MTUS1: variants seen among roughly 807,000 people sequenced by gnomAD.
MTUS1 encodes the protein microtubule associated scaffold protein 1.
A neutral mutation model predicts 120.8 loss-of-function variants in MTUS1; 109 were observed. The observed-to-expected ratio is 0.90, with a 90% CI of 0.77 to 1.06. The LOEUF is 1.06. Ranked by LOEUF, MTUS1 falls within the 50% of genes least tolerant of loss-of-function variation. The pLI, the probability that MTUS1 is intolerant of heterozygous loss-of-function variation, is 0.00. For missense variants in MTUS1, 2,210 were observed against 1,486.3 expected, an observed-to-expected ratio of 1.49 and a Z score of -8.01; for synonymous variants, 737 against 550.5, an observed-to-expected ratio of 1.34 and a Z score of -4.74.
intron 1 of MTUS1, among the ~76,000 whole-genome samples, chr8:17,776,143 GA>G (rs1291440264): frequency 8.1e-5 from 12 of 148,844 alleles, no homozygotes; most frequent in East Asian, 3.9e-4. Context: ...ATAGTCGGGA[GA>G]AAAAAAAACA....
At chr8:17,704,959 A>T (rs142212500) in intron 6 of MTUS1, among the ~76,000 whole-genome samples, 83 of 152,190 alleles carry the variant, frequency 5.5e-4, no homozygotes, top group African/African-American at 1.8e-3. Flanking sequence ...TTCTTTGCTT[A>T]TAAATACTGT....
chr8:17,788,157 T>C (rs2051464206), intron 1 of MTUS1, among the ~76,000 whole-genome samples: 1 of 152,142 alleles, frequency 6.6e-6, no homozygotes, highest in Non-Finnish European at 1.5e-5. Flanking sequence ...ATGGACACAT[T>C]CTGTATCTTG....
chr8:17,721,732 G>T (rs1051641637), intron 4 of MTUS1: 2 of 1,580,808 alleles, frequency 1.3e-6, no homozygotes, highest in Non-Finnish European at 1.7e-6. Flanking sequence ...AGTAAACGTG[G>T]CTAACAAAGG....
At chr8:17,787,961 A>C (rs569076299) in intron 1 of MTUS1, among the ~76,000 whole-genome samples, 15 of 152,286 alleles carry the variant, frequency 9.8e-5, no homozygotes, top group Non-Finnish European at 1.8e-4. Flanking sequence ...CTGCACTAAA[A>C]ATACAAAAAA....
intron 5 of MTUS1, 112 bp from the exon 6 acceptor site, chr8:17,713,364 G>T: frequency 2.9e-6 from 2 of 678,954 alleles, no homozygotes; most frequent in Non-Finnish European, 5.0e-6. Flanking sequence ...CTACATTTCA[G>T]GTTCCCGGTG....
Position 17,727,258 on chromosome 8 carries a change from C to T in MTUS1, c.2288-3425G>A, listed in dbSNP as rs77629870. On this transcript the variant is annotated intron_variant, in intron 3 of 14. Transcript: ENST00000693296. ...CCTAACAGTGTGTGACTATTACTATCCCAGTTAATAGATGAGAAGACTACT... is the reference window on the plus strand; with the variant it reads ...CCTAACAGTGTGTGACTATTACTATTCCAGTTAATAGATGAGAAGACTACT... Among the ~76,000 whole-genome samples the T allele has an allele frequency of 5.7e-3, 864 of 152,268 alleles. 4 individuals carry two copies. The highest frequency in any genetic ancestry group is 8.8e-3 in the Non-Finnish European group (597 of 68,020).
chr8:17,795,737 T>A (rs2052171412), intron 1 of MTUS1, among the ~76,000 whole-genome samples: 1 of 152,032 alleles, frequency 6.6e-6, no homozygotes, highest in Admixed American at 6.6e-5. Flanking sequence ...CCTCCCGGGT[T>A]CAAGTGATTC....
At chr8:17,692,676 G>A (rs781749475) in intron 6 of MTUS1, among the ~76,000 whole-genome samples, 1 of 152,182 alleles carries the variant, frequency 6.6e-6, no homozygotes, top group Non-Finnish European at 1.5e-5. Flanking sequence ...AATTGAGGGT[G>A]CAGGGTAGGA....
chr8:17,697,275 T>C, intron 6 of MTUS1: 2 of 1,613,890 alleles, frequency 1.2e-6, no homozygotes, highest in South Asian at 1.1e-5. Context: ...AAAACAACAG[T>C]GCTTCTCCTA....
chr8:17,746,414 GA>G (rs1266097478), intron 2 of MTUS1, among the ~76,000 whole-genome samples: 3 of 152,132 alleles, frequency 2.0e-5, no homozygotes, highest in Non-Finnish European at 4.4e-5. Flanking sequence ...AATTTATAAA[GA>G]AAAAGCAGTT....
chr8:17,709,247 T>C (rs1188354025), intron 6 of MTUS1, among the ~76,000 whole-genome samples: 1 of 152,132 alleles, frequency 6.6e-6, no homozygotes, highest in Non-Finnish European at 1.5e-5. Context: ...TTGTTATTCA[T>C]GTTATTCATG....
rs771582261 is a variant in MTUS1 at position 17,645,215 on chromosome 8, C to T, written c.*711G>A. ...ACTGACATGGCTGAACACTGAAAAA[C>T]TGCCAAGAAGTTACCCCCAAAAGAT... is the stretch of plus-strand genomic sequence containing the variant. On this transcript the variant is annotated 3_prime_UTR_variant, in exon 15 of 15. Transcript: ENST00000693296. 2 of 152,522 alleles carry T rather than the reference C, an allele frequency of 1.3e-5. No individual in the cohort carries two copies. The highest frequency in any genetic ancestry group is 6.5e-5 in the Admixed American group (1 of 15,268). 9.4% of individuals were successfully genotyped at this position (152,522 alleles called of 1,614,324 possible).
chr8:17,777,840 CT>C (rs1285350163), intron 1 of MTUS1, among the ~76,000 whole-genome samples: 11 of 152,148 alleles, frequency 7.2e-5, no homozygotes, highest in African/African-American at 2.7e-4. Context: ...TCTGTGAAGA[CT>C]TAGAAATGAT....
chr8:17,771,007 G>GT (rs2049982777), intron 1 of MTUS1, among the ~76,000 whole-genome samples: 2 of 152,088 alleles, frequency 1.3e-5, no homozygotes, highest in South Asian at 4.1e-4. Flanking sequence ...AGTTTTAAAG[G>GT]TAAGATGTTA....
At chr8:17,711,412 G>C (rs1821277414) in intron 6 of MTUS1, among the ~76,000 whole-genome samples, 1 of 152,008 alleles carries the variant, frequency 6.6e-6, no homozygotes, top group South Asian at 2.1e-4. Context: ...GTTATGAAGA[G>C]TTACCTTAAA....
chr8:17,654,691 G>A, intron 9 of MTUS1, 25 bp from the exon 10 acceptor site: 1 of 1,557,728 alleles, frequency 6.4e-7, no homozygotes, highest in Non-Finnish European at 8.9e-7. Context: ...CAAAACCGTG[G>A]TTTAACAGTA....
chr8:17,646,264 C>G, intron 14 of MTUS1, 125 bp from the exon 15 acceptor site: 1 of 1,076,800 alleles, frequency 9.3e-7, no homozygotes, highest in Non-Finnish European at 1.3e-6. Context: ...GAATCCTGCA[C>G]AAGGTCACAG....
intron 1 of MTUS1, among the ~76,000 whole-genome samples, chr8:17,784,770 C>T (rs1417460013): frequency 6.9e-6 from 1 of 145,014 alleles, no homozygotes; most frequent in Non-Finnish European, 1.5e-5. Context: ...ACAGAGTGAC[C>T]TTTTTATAAC....
intron 6 of MTUS1, among the ~76,000 whole-genome samples, chr8:17,691,523 C>A (rs1172997713): frequency 6.6e-6 from 1 of 152,190 alleles, no homozygotes; most frequent in African/African-American, 2.4e-5. Context: ...AAGAGGCCAG[C>A]AAAATCTTTC....
Sources: allele counts gnomAD v4.1 joint callset (sites outside exome capture counted in the v4.1 genomes callset), GRCh38; gene constraint gnomAD v4.1.1; transcripts MANE v1.5; gene names NCBI Gene and HGNC (gene_info 2026-07-23, HGNC 2026-07-21).